The following KIAA1217 variants were observed in gnomAD, a reference collection of about 807,000 sequenced individuals.
KIAA1217 encodes sickle tail protein homolog.
Under a neutral mutation model 163.9 loss-of-function variants are expected in KIAA1217, and 88 were observed. The observed-to-expected ratio is 0.54, with a 90% CI of 0.45 to 0.64. The LOEUF (loss-of-function observed/expected upper bound fraction) is 0.64. Ranked by LOEUF, KIAA1217 falls within the 30% of genes least tolerant of loss-of-function variation. The pLI is 0.00. For synonymous variants in KIAA1217, 903 were observed against 923.1 expected, an observed-to-expected ratio of 0.98 and a Z score of 0.39; for missense variants, 2,372 against 2,475.0, an observed-to-expected ratio of 0.96 and a Z score of 0.88.
chr10:24,474,434 A>G (rs534374124), intron 6 of KIAA1217, among the ~76,000 whole-genome samples: 1 of 152,350 alleles, frequency 6.6e-6, no homozygotes, highest in Admixed American at 6.5e-5. Flanking sequence ...TTGATCTGCT[A>G]CTGCTGAAAA....
At chr10:23,882,665 G>A (rs780774543) in intron 1 of KIAA1217, among the ~76,000 whole-genome samples, 15 of 151,932 alleles carry the variant, frequency 9.9e-5, no homozygotes, top group Middle Eastern at 3.4e-3. Context: ...ATCTGTGTTC[G>A]TCACTCAAGA....
intron 5 of KIAA1217, chr10:24,449,501 A>G: frequency 2.0e-6 from 2 of 985,388 alleles, no homozygotes; most frequent in Non-Finnish European, 2.4e-6. Context: ...GGGACAGGAA[A>G]AATGCCTTCC....
At chr10:24,192,383 G>C (rs185099616) in intron 2 of KIAA1217, among the ~76,000 whole-genome samples, 151 of 152,270 alleles carry the variant, frequency 9.9e-4, no homozygotes, top group Non-Finnish European at 1.7e-3. Flanking sequence ...TAAGGGGAAA[G>C]GATAAGGGGA....
At chr10:24,174,748 G>T (rs891748152) in intron 2 of KIAA1217, among the ~76,000 whole-genome samples, 9 of 152,136 alleles carry the variant, frequency 5.9e-5, no homozygotes, top group Non-Finnish European at 1.2e-4. Context: ...GGTTGTGGGG[G>T]AGCAGGTGGT....
At chr10:24,081,445 TG>T (rs1335497464) in intron 2 of KIAA1217, among the ~76,000 whole-genome samples, 1 of 152,132 alleles carries the variant, frequency 6.6e-6, no homozygotes, top group Non-Finnish European at 1.5e-5. Flanking sequence ...GACCTGACCC[TG>T]GGATGGCACC....
In KIAA1217 at chr10:24,543,840, C is replaced by T; in HGVS notation, c.4570C>T (p.His1524Tyr). The change falls in exon 19 of 21, where the codon CAC (histidine) becomes TAC (tyrosine). Residue 1524 changes from histidine to tyrosine, a missense_variant. Around this residue, in one of 3 missense-constraint regions of KIAA1217, gnomAD observed 690 missense variants for 677.5 expected, o/e 1.02. Transcript: ENST00000376454. ...GQQVETKSQP[H>Y]SLATETRNPG... ...ACAGGTGGAAACAAAGTCACAGCCA[C>T]ACTCCCTGGCCACAGAGACCAGAAA... 2 of 1,614,022 alleles carry T rather than the reference C, an allele frequency of 1.2e-6. No individual in the cohort carries two copies. The highest frequency in any genetic ancestry group is 2.2e-5 in the East Asian group (1 of 44,864).
At chr10:24,055,202 G>A (rs1361381620) in intron 2 of KIAA1217, among the ~76,000 whole-genome samples, 2 of 152,140 alleles carry the variant, frequency 1.3e-5, no homozygotes, top group Non-Finnish European at 2.9e-5. Context: ...AGGAAGTTGA[G>A]GCTGCAGTCA....
intron 1 of KIAA1217, among the ~76,000 whole-genome samples, chr10:23,947,017 T>C (rs1430257134): frequency 2.0e-5 from 3 of 152,060 alleles, no homozygotes; most frequent in African/African-American, 7.2e-5. Context: ...AGAAGGCGCT[T>C]TTCCCCATTT....
chr10:24,043,870 G>A (rs1027301600), intron 2 of KIAA1217, among the ~76,000 whole-genome samples: 1 of 151,944 alleles, frequency 6.6e-6, no homozygotes, highest in African/African-American at 2.4e-5. Context: ...GACTTAGTGG[G>A]TGAAAATAAT....
intron 1 of KIAA1217, among the ~76,000 whole-genome samples, chr10:23,756,421 G>A (rs1178783204): frequency 3.3e-5 from 5 of 152,052 alleles, no homozygotes; most frequent in South Asian, 2.1e-4. Flanking sequence ...AAATAACCAC[G>A]ACATTCATTT....
At chr10:23,938,870 A>C (rs1843642747) in intron 1 of KIAA1217, among the ~76,000 whole-genome samples, 1 of 152,366 alleles carries the variant, frequency 6.6e-6, no homozygotes. Context: ...TTCAATAAAA[A>C]TTAACAGTTG....
At chr10:23,780,732 G>A (rs1271634062) in intron 1 of KIAA1217, among the ~76,000 whole-genome samples, 1 of 152,184 alleles carries the variant, frequency 6.6e-6, no homozygotes. Context: ...CCAGGCTGGA[G>A]TGCAGTGGTG....
chr10:23,702,024 G>A (rs901354137), intron 1 of KIAA1217, among the ~76,000 whole-genome samples: 2 of 152,124 alleles, frequency 1.3e-5, no homozygotes. Context: ...TTTAGTACTT[G>A]TAGGTTACCA....
intron 2 of KIAA1217, among the ~76,000 whole-genome samples, chr10:24,359,082 C>CTTTTTTTTTTTTTT (rs202024336): frequency 2.1e-4 from 17 of 81,536 alleles, no homozygotes; most frequent in East Asian, 2.7e-4. Flanking sequence ...TTCTTTCTTT[C>CTTTTTTTTTTTTTT]TTTTTTTTTT....
At chr10:23,933,586 A>G (rs1183223716) in intron 1 of KIAA1217, among the ~76,000 whole-genome samples, 5 of 152,242 alleles carry the variant, frequency 3.3e-5, no homozygotes, top group African/African-American at 4.8e-5. Flanking sequence ...AAAAGAAACT[A>G]TCATCCAAGT....
At chr10:24,234,190 T>C (rs1227140131) in intron 2 of KIAA1217, among the ~76,000 whole-genome samples, 1 of 151,946 alleles carries the variant, frequency 6.6e-6, no homozygotes, top group Non-Finnish European at 1.5e-5. Context: ...AAGGTCATGC[T>C]CATGGAAGCA....
chr10:24,484,529 G>A (rs1193689480), intron 6 of KIAA1217, among the ~76,000 whole-genome samples: 2 of 151,702 alleles, frequency 1.3e-5, no homozygotes, highest in Non-Finnish European at 2.9e-5. Context: ...TTACAGGTGT[G>A]AGCCACCGTG....
chr10:24,424,280 C>T (rs2059004107), intron 3 of KIAA1217, among the ~76,000 whole-genome samples: 1 of 152,228 alleles, frequency 6.6e-6, no homozygotes, highest in Non-Finnish European at 1.5e-5. Context: ...GGAACACACA[C>T]ACCCTTGTTC....
At chr10:23,986,946 C>T (rs1372939787) in intron 1 of KIAA1217, among the ~76,000 whole-genome samples, 2 of 152,144 alleles carry the variant, frequency 1.3e-5, no homozygotes, top group Non-Finnish European at 1.5e-5. Flanking sequence ...CCTGAGTGCC[C>T]TGAGAAATTG....
Sources: gnomAD v4.1 joint callset for allele counts (sites outside exome capture counted in the v4.1 genomes callset) on GRCh38, gnomAD v4.1.1 for gene constraint, gnomAD v4.1.1 regional missense constraint, MANE v1.5 for transcripts, NCBI Gene and HGNC (gene_info 2026-07-23, HGNC 2026-07-21) for gene names.